POU6F2: variants seen among roughly 807,000 people sequenced by gnomAD.
POU6F2 encodes POU domain, class 6, transcription factor 2.
In POU6F2, 31 loss-of-function variants were observed where a neutral mutation model predicts 71.3. The observed-to-expected ratio is 0.43, with a 90% CI of 0.33 to 0.59. POU6F2 has a LOEUF of 0.59. Among genes scored for constraint, POU6F2 ranks in the 20% least tolerant of loss-of-function variants. POU6F2 has a pLI of 0.04. For synonymous variants in POU6F2, 347 were observed against 355.7 expected, an observed-to-expected ratio of 0.98 and a Z score of 0.27; for missense variants, 783 against 856.8, an observed-to-expected ratio of 0.91 and a Z score of 1.07.
At chr7:39,065,454 C>T (rs1427269787) in intron 1 of POU6F2, among the ~76,000 whole-genome samples, 2 of 151,298 alleles carry the variant, frequency 1.3e-5, no homozygotes, top group African/African-American at 4.8e-5. Context: ...AATCAAGAAG[C>T]TTAAAGACAT....
chr7:39,456,339 A>T (rs1285986843), intron 8 of POU6F2, among the ~76,000 whole-genome samples: 2 of 152,200 alleles, frequency 1.3e-5, no homozygotes, highest in African/African-American at 2.4e-5. Context: ...GAGCTGAGGG[A>T]GCATTCCAGG....
chr7:39,440,522 T>G (rs970633656), intron 7 of POU6F2, among the ~76,000 whole-genome samples: 6 of 152,360 alleles, frequency 3.9e-5, no homozygotes, highest in African/African-American at 1.4e-4. Context: ...GTGCAGTGTT[T>G]TTCAGTTCCA....
intron 2 of POU6F2, among the ~76,000 whole-genome samples, chr7:39,108,689 CAT>C (rs1265757095): frequency 6.6e-6 from 1 of 152,158 alleles, no homozygotes; most frequent in Middle Eastern, 3.2e-3. Context: ...CTACACTAAC[CAT>C]ATGAGATGAG....
chr7:39,034,586 G>A (rs1467268609), intron 1 of POU6F2: 3 of 292,832 alleles, frequency 1.0e-5, no homozygotes, highest in African/African-American at 2.2e-5. Flanking sequence ...GGTCACTAGG[G>A]GAATCGATGG....
chr7:39,192,442 T>A (rs892696557), intron 2 of POU6F2, among the ~76,000 whole-genome samples: 3 of 152,196 alleles, frequency 2.0e-5, no homozygotes, highest in Admixed American at 1.3e-4. Flanking sequence ...CAGACTCTTA[T>A]CTTCATGGAC....
intron 4 of POU6F2, among the ~76,000 whole-genome samples, chr7:39,226,767 T>C (rs1016319292): frequency 6.6e-6 from 1 of 152,224 alleles, no homozygotes; most frequent in Admixed American, 6.5e-5. Context: ...ATTGTTTCCA[T>C]GATCAGAGAA....
chr7:39,182,951 G>A (rs528991671), intron 2 of POU6F2, among the ~76,000 whole-genome samples: 1 of 152,242 alleles, frequency 6.6e-6, no homozygotes, highest in African/African-American at 2.4e-5. Context: ...TGGGAACCTT[G>A]CTTGGCAACA....
chr7:39,269,741 G>T (rs947515296), intron 4 of POU6F2, among the ~76,000 whole-genome samples: 1 of 152,130 alleles, frequency 6.6e-6, no homozygotes, highest in Non-Finnish European at 1.5e-5. Flanking sequence ...TTCACTTCTT[G>T]GTGCAAGCCA....
At chr7:39,452,329 T>G (rs2116122467) in intron 8 of POU6F2, among the ~76,000 whole-genome samples, 1 of 152,356 alleles carries the variant, frequency 6.6e-6, no homozygotes, top group South Asian at 2.1e-4. Flanking sequence ...TAGAATGGTA[T>G]TTGGCCCTAG....
chr7:39,125,198 G>T (rs1418510554), intron 2 of POU6F2, among the ~76,000 whole-genome samples: 1 of 152,074 alleles, frequency 6.6e-6, no homozygotes, highest in Non-Finnish European at 1.5e-5. Context: ...GGACTAGCCT[G>T]GTACTTCTCT....
intron 4 of POU6F2, among the ~76,000 whole-genome samples, chr7:39,273,880 G>A (rs1274029210): frequency 6.6e-6 from 1 of 151,894 alleles, no homozygotes; most frequent in African/African-American, 2.4e-5. Flanking sequence ...AAATGTAAAT[G>A]AATAAAAGAT....
chr7:39,278,677 C>T (rs1784505622), intron 4 of POU6F2, among the ~76,000 whole-genome samples: 1 of 152,128 alleles, frequency 6.6e-6, no homozygotes, highest in South Asian at 2.1e-4. Flanking sequence ...GGATTTCTCA[C>T]CTCAAGAAAG....
chr7:39,053,460 A>C (rs1448561293), intron 1 of POU6F2, among the ~76,000 whole-genome samples: 1 of 151,854 alleles, frequency 6.6e-6, no homozygotes. Flanking sequence ...TTTCATACAT[A>C]TATTAAATAT....
Position 39,307,400 on chromosome 7 carries a change from T to C in POU6F2, c.599-32242T>C, listed in dbSNP as rs961977368. On this transcript the variant is annotated intron_variant, in intron 4 of 9. Transcript: ENST00000518318. ...GTAAAAGTTAGAAAGGCCATAAACA[T>C]CACAAAATTCACAAATATAATCTAT... 2.0e-5 allele frequency among the ~76,000 whole-genome samples: 3 copies of C among 152,278 alleles called. No individual in the cohort carries two copies. In the South Asian group the frequency reaches 6.2e-4, roughly 32 times the overall value.
intron 8 of POU6F2, among the ~76,000 whole-genome samples, chr7:39,454,742 A>G (rs929026136): frequency 1.7e-5 from 2 of 121,096 alleles, no homozygotes; most frequent in African/African-American, 6.1e-5. Context: ...TAAGATATAT[A>G]TATATCTTAT....
At chr7:39,251,988 C>T (rs1459417080) in intron 4 of POU6F2, among the ~76,000 whole-genome samples, 3 of 152,196 alleles carry the variant, frequency 2.0e-5, no homozygotes, top group Admixed American at 2.0e-4. Flanking sequence ...ACATCAGTGC[C>T]TGTTGCCTCT....
chr7:39,234,579 T>C (rs925191584), intron 4 of POU6F2, among the ~76,000 whole-genome samples: 2 of 152,200 alleles, frequency 1.3e-5, no homozygotes, highest in African/African-American at 4.8e-5. Context: ...AAGATCACAG[T>C]GTGATCCTTC....
At chr7:39,416,974 G>T (rs1787694961) in intron 6 of POU6F2, among the ~76,000 whole-genome samples, 1 of 152,136 alleles carries the variant, frequency 6.6e-6, no homozygotes, top group Non-Finnish European at 1.5e-5. Flanking sequence ...AAAAGTCAGG[G>T]ATGGGAGTGG....
In POU6F2 at chr7:39,086,052, C is replaced by T. The variant is rs1791236430; in HGVS notation, c.277+21C>T. 1.9e-6 allele frequency: 3 copies of T among 1,610,300 alleles called. No individual in the cohort carries two copies. The African/African-American group carries it at 4.0e-5, about 22-fold the overall frequency. Reference sequence around the variant, plus strand: ...CTTCGGTAAGTCTGTCTAGGTATTTCATTTCAGTACTACCATGTTGTCCGG... The same window carrying T: ...CTTCGGTAAGTCTGTCTAGGTATTTTATTTCAGTACTACCATGTTGTCCGG... On this transcript the variant is annotated intron_variant, in intron 2 of 9. Transcript: ENST00000518318.
Sources: allele counts gnomAD v4.1 joint callset (sites outside exome capture counted in the v4.1 genomes callset), GRCh38; gene constraint gnomAD v4.1.1; transcripts MANE v1.5; gene names NCBI Gene and HGNC (gene_info 2026-07-23, HGNC 2026-07-21).